The following DNAJC24 variants were observed in gnomAD, a reference collection of about 807,000 sequenced individuals.
The protein encoded by DNAJC24 is DnaJ heat shock protein family (Hsp40) member C24.
Under a neutral mutation model 18.0 loss-of-function variants are expected in DNAJC24, and 17 were observed. The ratio of observed to expected loss-of-function variants is 0.94; its 90% confidence interval spans 0.65 to 1.42. The LOEUF (loss-of-function observed/expected upper bound fraction) is 1.42. DNAJC24 is among the 40% of genes most tolerant of loss of function. The probability of loss-of-function intolerance (pLI) is 0.00; values close to 1 mark genes in which losing one functional copy is unlikely to be tolerated. For missense variants in DNAJC24, 158 were observed against 175.6 expected (o/e 0.90, Z 0.57); for synonymous variants, 55 against 57.7 (o/e 0.95, Z 0.21).
intron 2 of DNAJC24, among the ~76,000 whole-genome samples, chr11:31,390,450 G>A (rs1006617917): frequency 6.7e-6 from 1 of 148,906 alleles, no homozygotes; most frequent in East Asian, 2.0e-4. Context: ...GCTCATGCCT[G>A]TAATCCCAAC....
intron 2 of DNAJC24, among the ~76,000 whole-genome samples, chr11:31,379,139 C>G (rs1373996514): frequency 6.6e-6 from 1 of 151,994 alleles, no homozygotes; most frequent in Non-Finnish European, 1.5e-5. Context: ...TCAGGGGTCC[C>G]CAGTCCCCGC....
intron 2 of DNAJC24, among the ~76,000 whole-genome samples, chr11:31,403,460 A>G (rs1952622682): frequency 6.6e-6 from 1 of 152,194 alleles, no homozygotes; most frequent in Non-Finnish European, 1.5e-5. Context: ...TTGGCCTAGA[A>G]AGGCAGGACA....
intron 2 of DNAJC24, among the ~76,000 whole-genome samples, chr11:31,400,422 C>T (rs1280423295): frequency 1.3e-5 from 2 of 152,140 alleles, no homozygotes; most frequent in Non-Finnish European, 2.9e-5. Flanking sequence ...ATAGTCAGGA[C>T]AATCCTAAGC....
At chr11:31,397,928 G>A (rs186757165) in intron 2 of DNAJC24, among the ~76,000 whole-genome samples, 27 of 151,514 alleles carry the variant, frequency 1.8e-4, no homozygotes, top group African/African-American at 3.9e-4. Context: ...TCAGCCTCCC[G>A]AGTAGTTGAG....
intron 2 of DNAJC24, among the ~76,000 whole-genome samples, chr11:31,407,243 A>G (rs1408381209): frequency 6.6e-6 from 1 of 152,134 alleles, no homozygotes; most frequent in African/African-American, 2.4e-5. Context: ...AGTCCTTTTC[A>G]TGGTTTATTG....
At chr11:31,426,918 G>A (rs1221791964) in intron 4 of DNAJC24, 1 of 145,398 alleles carries the variant, frequency 6.9e-6, no homozygotes, top group Non-Finnish European at 1.5e-5. Flanking sequence ...TTGCTTTTCT[G>A]TTATTAAAAT....
intron 3 of DNAJC24, chr11:31,417,184 G>C (rs1038908583): frequency 6.6e-5 from 10 of 152,026 alleles, no homozygotes; most frequent in African/African-American, 2.4e-4. Context: ...TTTACCAGAG[G>C]CTCCAAATAC....
At chr11:31,399,546 TG>T (rs1216383526) in intron 2 of DNAJC24, among the ~76,000 whole-genome samples, 1 of 151,718 alleles carries the variant, frequency 6.6e-6, no homozygotes, top group East Asian at 1.9e-4. Flanking sequence ...CCTGAGTAGC[TG>T]GGAGTACAGG....
rs1487781994 is a variant in DNAJC24 at position 31,407,698 on chromosome 11, A to AT, written c.112-7113_112-7112insT. On this transcript the variant is annotated intron_variant, in intron 2 of 4. Transcript: ENST00000465995. Reference sequence around the variant, plus strand: ...AGATCCCATCTCAAAAAAAAAAAAAAAAAAAAAAATATATATATATATATA... The same window carrying AT: ...AGATCCCATCTCAAAAAAAAAAAAAATAAAAAAAAATATATATATATATATA... 2.2e-3 allele frequency among the ~76,000 whole-genome samples: 253 copies of AT among 113,816 alleles called. 1 individual carries two copies. Among genetic ancestry groups the AT allele is most frequent in the South Asian group, 0.011 (40 of 3,684 alleles). The allele number at this position is 113,816 out of a possible 152,430, so 74.7% of individuals were successfully genotyped here. A position where few individuals can be genotyped will look rare whatever the true frequency, so the allele number is the denominator to read the frequency against.
intron 2 of DNAJC24, among the ~76,000 whole-genome samples, chr11:31,375,170 C>A (rs1279436821): frequency 7.4e-6 from 1 of 134,474 alleles, no homozygotes; most frequent in Non-Finnish European, 1.7e-5. Context: ...CAGAGCAAGA[C>A]CCTCTCTCTA....
chr11:31,425,499 G>A (rs1171764946), intron 3 of DNAJC24, among the ~76,000 whole-genome samples: 1 of 152,096 alleles, frequency 6.6e-6, no homozygotes, highest in East Asian at 1.9e-4. Context: ...TCAAGGTGCT[G>A]GTTGACTCGG....
chr11:31,417,528 CAGG>C (rs1321451090), intron 3 of DNAJC24, among the ~76,000 whole-genome samples: 1 of 151,914 alleles, frequency 6.6e-6, no homozygotes, highest in Non-Finnish European at 1.5e-5. Flanking sequence ...TTGTTATAAC[CAGG>C]TCAAAGCACT....
At position 31,372,900 on chromosome 11, in the gene DNAJC24, T is replaced by A. The variant is rs1392545758; in HGVS notation, c.111+2041T>A. On this transcript the variant is annotated intron_variant, in intron 2 of 4. Coordinates refer to ENST00000465995, the MANE Select transcript of DNAJC24 (RefSeq NM_181706.5). ...AACAACCAAAAATGCCGCCTGCATG[T>A]CAAAATTGCCACATCCCATGAGAAT... is the stretch of plus-strand genomic sequence containing the variant. 1.5e-5 allele frequency among the ~76,000 whole-genome samples: 2 copies of A among 134,712 alleles called. 1 individual carries two copies. The highest frequency in any genetic ancestry group is 1.5e-4 in the Admixed American group (2 of 13,144). The allele number at this position is 134,712 out of a possible 152,430, so 88.4% of individuals were successfully genotyped here.
chr11:31,413,761 A>G (rs1952731111), intron 2 of DNAJC24, among the ~76,000 whole-genome samples: 1 of 152,224 alleles, frequency 6.6e-6, no homozygotes, highest in South Asian at 2.1e-4. Flanking sequence ...AGCATCATGC[A>G]GGCTGGGAGT....
intron 2 of DNAJC24, 95 bp downstream of exon 2, chr11:31,370,954 G>A: frequency 1.5e-6 from 1 of 675,734 alleles, no homozygotes; most frequent in Non-Finnish European, 2.5e-6. Context: ...TAGGATACCA[G>A]TGGCAGGAAT....
intron 2 of DNAJC24, among the ~76,000 whole-genome samples, chr11:31,376,722 G>T (rs905413015): frequency 6.6e-6 from 1 of 152,020 alleles, no homozygotes; most frequent in Non-Finnish European, 1.5e-5. Context: ...ATCTAAAAGG[G>T]TTTACTGTTG....
intron 2 of DNAJC24, among the ~76,000 whole-genome samples, chr11:31,401,466 C>T (rs1952600574): frequency 6.6e-6 from 1 of 151,908 alleles, no homozygotes; most frequent in Non-Finnish European, 1.5e-5. Flanking sequence ...CCGCTGTCTC[C>T]TCTTTCTTCA....
rs150617237 is a variant in DNAJC24, at chr11:31,432,105, C to T, written c.*1704C>T. ...TGTAGACTAGCAGCTTTTTATCAAA[C>T]CTGGCATTGTCAGGTTGAACTTATA... On this transcript the variant is annotated 3_prime_UTR_variant, in exon 5 of 5. Coordinates refer to ENST00000465995, the MANE Select transcript of DNAJC24 (RefSeq NM_181706.5). Among the ~76,000 whole-genome samples, 811 of 152,216 alleles carry T rather than the reference C, an allele frequency of 5.3e-3. 37 individuals carry two copies. Among genetic ancestry groups the T allele is most frequent in the Admixed American group, 0.047 (717 of 15,284 alleles).
intron 2 of DNAJC24, chr11:31,407,402 G>GTGTA (rs1952666303): frequency 6.6e-6 from 1 of 152,018 alleles, no homozygotes; most frequent in African/African-American, 2.4e-5. Flanking sequence ...TTTATATGTT[G>GTGTA]TGTAGCCAAT....
Sources: gnomAD v4.1 joint callset for allele counts (sites outside exome capture counted in the v4.1 genomes callset) on GRCh38, gnomAD v4.1.1 for gene constraint, MANE v1.5 for transcripts, NCBI Gene and HGNC (gene_info 2026-07-23, HGNC 2026-07-21) for gene names.